The following DLGAP1 variants were observed in gnomAD, a reference collection of about 807,000 sequenced individuals.
DLGAP1 encodes the protein disks large-associated protein 1.
A neutral mutation model predicts 90.8 loss-of-function variants in DLGAP1; 11 were observed. The observed-to-expected ratio is 0.12, with a 90% CI of 0.08 to 0.20. The LOEUF is 0.20. DLGAP1 is among the 10% of genes least tolerant of loss of function. The pLI, the probability that DLGAP1 is intolerant of heterozygous loss-of-function variation, is 1.00. For missense variants in DLGAP1, 1,050 were observed against 1,333.8 expected (o/e 0.79, Z 3.31); for synonymous variants, 558 against 540.7 (o/e 1.03, Z -0.44).
intron 1 of DLGAP1, among the ~76,000 whole-genome samples, chr18:4,434,030 GC>G (rs2083345966): frequency 6.6e-6 from 1 of 151,888 alleles, no homozygotes; most frequent in Non-Finnish European, 1.5e-5. Flanking sequence ...TACTCACTTA[GC>G]CCTTCAGCTT....
intron 1 of DLGAP1, among the ~76,000 whole-genome samples, chr18:4,299,404 ATAG>A (rs1226053233): frequency 6.6e-5 from 10 of 152,338 alleles, no homozygotes; most frequent in Admixed American, 5.2e-4. Context: ...CAAATATTTA[ATAG>A]TAGTACAAAC....
At chr18:3,818,811 G>A (rs372945100) in intron 4 of DLGAP1, among the ~76,000 whole-genome samples, 72 of 151,542 alleles carry the variant, frequency 4.8e-4, no homozygotes, top group Admixed American at 2.0e-3. Flanking sequence ...GGCCAGGCTG[G>A]TCTCAAACTC....
intron 1 of DLGAP1, among the ~76,000 whole-genome samples, chr18:4,204,743 T>C (rs900389665): frequency 6.6e-5 from 10 of 152,112 alleles, no homozygotes; most frequent in Non-Finnish European, 1.3e-4. Flanking sequence ...GTAAAAAAAA[T>C]TCAGTTTAGA....
At chr18:4,202,855 C>T (rs2077633262) in intron 1 of DLGAP1, among the ~76,000 whole-genome samples, 1 of 152,140 alleles carries the variant, frequency 6.6e-6, no homozygotes, top group Non-Finnish European at 1.5e-5. Flanking sequence ...CCAAAATAAA[C>T]ATTCTACACT....
chr18:3,776,445 T>A (rs955236746), intron 5 of DLGAP1, among the ~76,000 whole-genome samples: 1 of 152,144 alleles, frequency 6.6e-6, no homozygotes, highest in African/African-American at 2.4e-5. Flanking sequence ...CCAGGTTGCA[T>A]GGGCCTCAGT....
intron 1 of DLGAP1, among the ~76,000 whole-genome samples, chr18:4,186,047 T>C (rs2077288913): frequency 6.6e-6 from 1 of 151,554 alleles, no homozygotes; most frequent in African/African-American, 2.4e-5. Context: ...TATTGAGTTT[T>C]TTTCATCTGC....
At chr18:3,629,541 G>A (rs1265293027) in intron 7 of DLGAP1, among the ~76,000 whole-genome samples, 3 of 151,876 alleles carry the variant, frequency 2.0e-5, no homozygotes, top group East Asian at 1.9e-4. Flanking sequence ...GCGTGTTGGT[G>A]GGCGCCTGTA....
At chr18:3,781,880 G>T (rs565433595) in intron 5 of DLGAP1, among the ~76,000 whole-genome samples, 3 of 152,182 alleles carry the variant, frequency 2.0e-5, no homozygotes, top group South Asian at 4.2e-4. Context: ...TTTCTTGATG[G>T]ATTCAACTAC....
intron 4 of DLGAP1, chr18:3,845,169 GA>G (rs905336508): frequency 1.4e-5 from 22 of 1,587,976 alleles, no homozygotes; most frequent in Non-Finnish European, 1.8e-5. Flanking sequence ...GATTAGCACA[GA>G]AATCAAGCAC....
chr18:3,788,366 T>G (rs1442628642), intron 5 of DLGAP1, among the ~76,000 whole-genome samples: 1 of 152,098 alleles, frequency 6.6e-6, no homozygotes, highest in Non-Finnish European at 1.5e-5. Flanking sequence ...TTTGCCTCAT[T>G]CCCCCCTGCT....
intron 4 of DLGAP1, among the ~76,000 whole-genome samples, chr18:3,871,053 C>T (rs1411248454): frequency 6.6e-6 from 1 of 152,150 alleles, no homozygotes; most frequent in East Asian, 1.9e-4. Context: ...TGTGCCTTGG[C>T]CCCATTGCCT....
intron 5 of DLGAP1, among the ~76,000 whole-genome samples, chr18:3,811,159 G>A (rs1303825098): frequency 2.6e-5 from 4 of 152,130 alleles, no homozygotes; most frequent in Non-Finnish European, 5.9e-5. Flanking sequence ...AGATGACGGA[G>A]GTTTAATGTG....
chr18:3,532,824 T>C (rs1422321364), intron 10 of DLGAP1, among the ~76,000 whole-genome samples: 2 of 152,200 alleles, frequency 1.3e-5, no homozygotes, highest in African/African-American at 4.8e-5. Context: ...AAATACATAC[T>C]GATTATATAT....
At chr18:4,330,654 T>C (rs2143721435) in intron 1 of DLGAP1, among the ~76,000 whole-genome samples, 2 of 152,038 alleles carry the variant, frequency 1.3e-5, no homozygotes, top group African/African-American at 2.4e-5. Context: ...TCTTTTGTTT[T>C]TAAATAGTTG....
chr18:4,251,088 A>G (rs979973688), intron 1 of DLGAP1, among the ~76,000 whole-genome samples: 1 of 152,196 alleles, frequency 6.6e-6, no homozygotes, highest in Non-Finnish European at 1.5e-5. Flanking sequence ...CTAGAAACAC[A>G]GAAGTGACAG....
At chr18:4,429,437 T>A (rs1011368460) in intron 1 of DLGAP1, among the ~76,000 whole-genome samples, 2 of 152,236 alleles carry the variant, frequency 1.3e-5, no homozygotes, top group African/African-American at 4.8e-5. Context: ...TTATAAAGTA[T>A]TTTGATTTTT....
intron 2 of DLGAP1, among the ~76,000 whole-genome samples, chr18:4,116,217 TAAG>T (rs1163490239): frequency 6.6e-6 from 1 of 152,210 alleles, no homozygotes; most frequent in East Asian, 1.9e-4. Flanking sequence ...ATATTTCTAA[TAAG>T]AAGACAATTG....
intron 3 of DLGAP1, among the ~76,000 whole-genome samples, chr18:3,981,123 T>C (rs184455788): frequency 6.6e-6 from 1 of 152,328 alleles, no homozygotes; most frequent in East Asian, 1.9e-4. Flanking sequence ...GTAGGATTGT[T>C]TGTCTCCAAA....
intron 1 of DLGAP1, among the ~76,000 whole-genome samples, chr18:4,417,487 G>T (rs1222805056): frequency 6.6e-6 from 1 of 152,062 alleles, no homozygotes; most frequent in Non-Finnish European, 1.5e-5. Flanking sequence ...TGTCTTTAGT[G>T]TAATGATTTA....
Sources: allele counts gnomAD v4.1 joint callset (sites outside exome capture counted in the v4.1 genomes callset), GRCh38; gene constraint gnomAD v4.1.1; transcripts MANE v1.5; gene names NCBI Gene and HGNC (gene_info 2026-07-23, HGNC 2026-07-21).